TMC3: variants seen among roughly 807,000 people sequenced by gnomAD.
TMC3 encodes the protein transmembrane channel like 3.
In TMC3, 98 loss-of-function variants were observed where a neutral mutation model predicts 110.6. The ratio of observed to expected loss-of-function variants is 0.89; its 90% CI spans 0.75 to 1.05. The LOEUF (loss-of-function observed/expected upper bound fraction) is 1.05, where lower values mean the gene tolerates loss of function less well. Among genes scored for constraint, TMC3 ranks in the 50% least tolerant of loss-of-function variants. The pLI is 0.00. For missense variants in TMC3, 1,319 were observed against 1,373.2 expected (o/e 0.96, Z 0.62); for synonymous variants, 489 against 513.1 (o/e 0.95, Z 0.63).
intron 15 of TMC3, chr15:81,342,916 G>A: frequency 5.4e-6 from 1 of 185,380 alleles, no homozygotes; most frequent in Non-Finnish European, 1.1e-5. Flanking sequence ...TGGCGAGCGA[G>A]GACAGACTGG....
chr15:81,350,513 A>G (rs974237051), intron 10 of TMC3, among the ~76,000 whole-genome samples: 5 of 152,236 alleles, frequency 3.3e-5, no homozygotes, highest in African/African-American at 1.2e-4. Context: ...TTCTGAATAT[A>G]TCTTTCAAAA....
chr15:81,345,115 G>A, intron 12 of TMC3, 104 bp from the exon 13 acceptor site: 3 of 1,477,750 alleles, frequency 2.0e-6, no homozygotes, highest in Non-Finnish European at 2.7e-6. Flanking sequence ...GGGTGTCATT[G>A]CATTGCTTGG....
At chr15:81,355,981 GTAAT>G (rs546407606) in intron 8 of TMC3, among the ~76,000 whole-genome samples, 4 of 152,202 alleles carry the variant, frequency 2.6e-5, no homozygotes, top group African/African-American at 9.6e-5. Flanking sequence ...TAGTATGGCT[GTAAT>G]TTAAATTATC....
At chr15:81,346,586 G>C (rs557779890) in intron 11 of TMC3, 143 bp from the exon 12 acceptor site, 1 of 784,178 alleles carries the variant, frequency 1.3e-6, no homozygotes, top group Non-Finnish European at 2.1e-6. Flanking sequence ...ATCACCTTGC[G>C]GGCATTTTTA....
chr15:81,362,378 T>C, intron 3 of TMC3, 77 bp from the exon 4 acceptor site: 2 of 1,133,016 alleles, frequency 1.8e-6, no homozygotes, highest in Non-Finnish European at 2.6e-6. Context: ...GGCACCTAAA[T>C]GGAGTATACC....
chr15:81,361,737 G>T (rs999018904), intron 4 of TMC3, among the ~76,000 whole-genome samples: 1 of 152,014 alleles, frequency 6.6e-6, no homozygotes, highest in Non-Finnish European at 1.5e-5. Flanking sequence ...TTTACCACAG[G>T]ATATTTTGGA....
chr15:81,373,776 T>G (rs1894489043), intron 1 of TMC3, among the ~76,000 whole-genome samples: 1 of 152,164 alleles, frequency 6.6e-6, no homozygotes, highest in South Asian at 2.1e-4. Context: ...TCTGACCTCC[T>G]GGTCAAGAAG....
At chr15:81,343,384 A>G in intron 14 of TMC3, 39 bp from the exon 15 acceptor site, 3 of 1,432,724 alleles carry the variant, frequency 2.1e-6, no homozygotes, top group South Asian at 1.1e-5. Context: ...AACAAGTTCC[A>G]AAGTTCTTTG....
Position 81,332,600 on chromosome 15 carries a change from G to C in TMC3, c.3122C>G (p.Ser1041Cys). The change falls in exon 22 of 22, where the codon TCT becomes TGT. Residue 1041 changes from serine (S) to cysteine (C), a missense_variant. Ser to Cys is a moderately radical substitution (Grantham distance 112). Transcript: ENST00000359440. ...GCTGGATGCTGCCGACACGGAGTCA[G>C]ATTCCGTGAGGGATGGCTCGAACCT... ...KPRFEPSLTE[S>C]DSVSAASSSD... 3 of 1,614,016 alleles carry C rather than the reference G, an allele frequency of 1.9e-6. No homozygotes were observed. Among genetic ancestry groups the C allele is most frequent in the Non-Finnish European group, 2.5e-6 (3 of 1,179,882 alleles).
chr15:81,368,471 C>CT (rs55873314), intron 2 of TMC3, 143 bp from the exon 3 acceptor site: 39,807 of 617,086 alleles, frequency 0.065, 1,487 homozygotes, highest in East Asian at 0.092. Flanking sequence ...AATGGAGTTA[C>CT]ACAAATACTT....
At position 81,334,806 on chromosome 15, in the gene TMC3, C is replaced by T. The variant is rs201035415; in HGVS notation, c.2373G>A (p.Met791Ile). The T allele has an allele frequency of 3.1e-6, 5 of 1,614,022 alleles. No homozygotes were observed. Among genetic ancestry groups the T allele is most frequent in the Non-Finnish European group, 3.4e-6 (4 of 1,179,896 alleles). The change falls in exon 21 of 22, where the codon ATG becomes ATA. Residue 791 changes from methionine (M) to isoleucine (I), a missense_variant. By Grantham distance (10) the Met-to-Ile change is conservative. Transcript: ENST00000359440. Reference sequence around the variant, plus strand: ...TGTCCCCTGGCCTCGGGCTCTGGGGCATGGACTGTGCGACTGTCTCTATCC... The same window carrying T: ...TGTCCCCTGGCCTCGGGCTCTGGGGTATGGACTGTGCGACTGTCTCTATCC... ...SGRIETVAQS[M>I]PQSPRPGDRA...
chr15:81,339,248 C>T, intron 17 of TMC3, 146 bp downstream of exon 17: 1 of 648,586 alleles, frequency 1.5e-6, no homozygotes, highest in Non-Finnish European at 2.7e-6. Flanking sequence ...AGGAAAGAGC[C>T]CTGGTCTTGG....
Position 81,355,726 on chromosome 15 carries a change from G to T in TMC3, c.934C>A (p.Leu312Met), listed in dbSNP as rs759416434. The change falls in exon 9 of 22, where the codon CTG becomes ATG. Residue 312 changes from leucine to methionine, a missense_variant and splice_region_variant. Physicochemically the swap from Leu to Met is conservative, Grantham distance 15 (BLOSUM62 2). Transcript: ENST00000359440. ...AGCATGGGGAGTAATAATACCTACAGGTTTTTGCTTTTCTTTTTCTCCTGT... is the reference window on the plus strand; with the variant it reads ...AGCATGGGGAGTAATAATACCTACATGTTTTTGCTTTTCTTTTTCTCCTGT... ...EEQEKKKSKN[L>M]AVTICLRIIA... is the part of the protein sequence containing the mutation. The T allele has an allele frequency of 6.3e-7, 1 of 1,595,052 alleles. No homozygotes were observed. The highest frequency in any genetic ancestry group is 8.6e-7 in the Non-Finnish European group (1 of 1,166,590).
chr15:81,362,715 C>T (rs1894215979), intron 3 of TMC3, among the ~76,000 whole-genome samples: 1 of 152,132 alleles, frequency 6.6e-6, no homozygotes, highest in African/African-American at 2.4e-5. Context: ...AGACACAGTA[C>T]AAATTACTCG....
At position 81,331,903 on chromosome 15, in the gene TMC3, A is replaced by G. The variant is rs920335623; in HGVS notation, c.*516T>C. ...CGGACAGCCCACCCCAAGGGAAGAA[A>G]GGGAAGAATCGTGGGGAGAAGCAAC... On this transcript the variant is annotated 3_prime_UTR_variant, in exon 22 of 22. Coordinates refer to ENST00000359440, the MANE Select transcript of TMC3 (RefSeq NM_001080532.3). The G allele has an allele frequency of 6.5e-6, 1 of 153,772 alleles. No individual in the cohort carries two copies. Among genetic ancestry groups the G allele is most frequent in the South Asian group, 2.0e-4 (1 of 4,888 alleles). The allele number at this position is 153,772 out of a possible 1,614,324, so 9.5% of individuals were successfully genotyped here.
intron 15 of TMC3, among the ~76,000 whole-genome samples, chr15:81,342,523 T>C (rs548728054): frequency 2.0e-5 from 3 of 152,346 alleles, no homozygotes; most frequent in African/African-American, 4.8e-5. Flanking sequence ...CTATTATTTT[T>C]AATACTGTAT....
At chr15:81,341,052 G>T (rs2141696354) in intron 16 of TMC3, among the ~76,000 whole-genome samples, 1 of 152,338 alleles carries the variant, frequency 6.6e-6, no homozygotes, top group Middle Eastern at 3.4e-3. Flanking sequence ...TGCTCTGGTT[G>T]CCATTTGTGT....
chr15:81,350,614 C>T (rs978436753), intron 10 of TMC3, among the ~76,000 whole-genome samples: 4 of 152,126 alleles, frequency 2.6e-5, no homozygotes, highest in African/African-American at 9.7e-5. Flanking sequence ...CTAGGGTGGG[C>T]TCAGATTTTG....
At chr15:81,345,264 A>G (rs1893802441) in intron 12 of TMC3, among the ~76,000 whole-genome samples, 1 of 152,184 alleles carries the variant, frequency 6.6e-6, no homozygotes, top group Non-Finnish European at 1.5e-5. Context: ...AACACATGTT[A>G]ACTCTACTTA....
Sources: allele counts gnomAD v4.1 joint callset (sites outside exome capture counted in the v4.1 genomes callset), GRCh38; gene constraint gnomAD v4.1.1; transcripts MANE v1.5; gene names NCBI Gene and HGNC (gene_info 2026-07-23, HGNC 2026-07-21).